Variants in MYCBP2 observed in about 807,000 individuals in gnomAD.
MYCBP2 encodes E3 ubiquitin-protein ligase MYCBP2.
A neutral mutation model predicts 525.3 loss-of-function variants in MYCBP2; 120 were observed. The ratio of observed to expected loss-of-function variants is 0.23; its 90% CI spans 0.20 to 0.27. MYCBP2 has a LOEUF of 0.27. Ranked by LOEUF, MYCBP2 falls within the 10% of genes least tolerant of loss-of-function variation. The pLI is 1.00. For missense variants in MYCBP2, 4,149 were observed against 5,657.1 expected (o/e 0.73, Z 8.55); for synonymous variants, 1,894 against 1,955.8 (o/e 0.97, Z 0.83).
intron 3 of MYCBP2, among the ~76,000 whole-genome samples, chr13:77,282,411 G>GAA (rs35046756): frequency 3.7e-5 from 4 of 108,456 alleles, no homozygotes; most frequent in South Asian, 2.9e-4. Flanking sequence ...ACTCCATCTT[G>GAA]AAAAAAAAAA....
chr13:77,205,192 T>A (rs2063186828), intron 26 of MYCBP2, 64 bp downstream of exon 26: 1 of 1,343,252 alleles, frequency 7.4e-7, no homozygotes, highest in Non-Finnish European at 9.7e-7. Flanking sequence ...AATAATAAAA[T>A]AATAAATTAA....
intron 11 of MYCBP2, 103 bp downstream of exon 11, chr13:77,261,947 AGAT>A (rs2073364480): frequency 4.7e-6 from 4 of 859,016 alleles, no homozygotes; most frequent in Admixed American, 3.1e-5. Flanking sequence ...AAAATTTAAA[AGAT>A]GATTCTTCTT....
At chr13:77,277,775 T>TA (rs1294496600) in intron 4 of MYCBP2, among the ~76,000 whole-genome samples, 2 of 152,118 alleles carry the variant, frequency 1.3e-5, no homozygotes, top group African/African-American at 4.8e-5. Flanking sequence ...TAATGAGAAT[T>TA]GAGAACCACA....
chr13:77,307,638 A>AC (rs1567217930), intron 1 of MYCBP2, among the ~76,000 whole-genome samples: 1 of 150,050 alleles, frequency 6.7e-6, no homozygotes, highest in African/African-American at 2.5e-5. Context: ...AAAAAAAAAA[A>AC]AAAAAAAAAA....
Position 77,278,822 on chromosome 13 carries a change from G to A in MYCBP2, c.684C>T (p.Ala228=), listed in dbSNP as rs149386447. 15 of 1,604,902 alleles carry A rather than the reference G, an allele frequency of 9.3e-6. No individual in the cohort carries two copies. In the African/African-American group the frequency reaches 1.9e-4, roughly 20 times the overall value. The change falls in exon 4 of 83, where the codon GCC becomes GCT. Residue 228 remains alanine, a synonymous_variant. Transcript: ENST00000544440. ...GCTGGCCCTGCAGCACGTTGAGCAG[G>A]GCTTGGAGACTCCTGAGACACAGGG... The part of the protein sequence containing the change: ...HPSLCLRSLQ[A]LLNVLQGQQP...
Position 77,326,623 on chromosome 13 carries a change from C to G in MYCBP2, c.153G>C (p.Leu51=). The G allele has an allele frequency of 6.4e-7, 1 of 1,561,984 alleles. No individual in the cohort carries two copies. Among genetic ancestry groups the G allele is most frequent in the Non-Finnish European group, 8.6e-7 (1 of 1,157,564 alleles). The part of the protein sequence containing the change: ...VPDGSVAAAG[L]GLGLPAADSR... ...AGTCCGCGGCGGGTAGCCCCAGCCCCAGCCCCGCAGCAGCCACGGAGCCGT... is the reference window on the plus strand; with the variant it reads ...AGTCCGCGGCGGGTAGCCCCAGCCCGAGCCCCGCAGCAGCCACGGAGCCGT... Residue 51 remains leucine (L), a synonymous_variant, in exon 1 of 83, where the codon CTG becomes CTC. Coordinates refer to ENST00000544440, the MANE Select transcript of MYCBP2 (RefSeq NM_015057.5). This position sits in a 1 kb window ranked among gnomAD's most constrained non-coding sequence, Gnocchi z 4.2.
At position 77,176,662 on chromosome 13, in the gene MYCBP2, CAG is replaced by C. The variant is rs777431338; in HGVS notation, c.5341-36_5341-35del. ...AAAAAATGAAACACAAAAATTCCAA[CAG>C]ACTCTTAATTTTATTGTATGAACAA... On this transcript the variant is annotated intron_variant, in intron 35 of 82. Coordinates refer to ENST00000544440, the MANE Select transcript of MYCBP2 (RefSeq NM_015057.5). The C allele has an allele frequency of 2.7e-6, 4 of 1,459,858 alleles. No homozygotes were observed. The South Asian group carries it at 4.9e-5, about 18-fold the overall frequency. The allele number at this position is 1,459,858 out of a possible 1,614,324, so 90.4% of individuals were successfully genotyped here. A position where few individuals can be genotyped will look rare whatever the true frequency, so the allele number is the denominator to read the frequency against.
At chr13:77,193,381 G>A (rs776770945) in intron 27 of MYCBP2, among the ~76,000 whole-genome samples, 1 of 152,098 alleles carries the variant, frequency 6.6e-6, no homozygotes, top group Admixed American at 6.6e-5. Context: ...AGCAAAGTCA[G>A]TATCTTACGA....
intron 26 of MYCBP2, among the ~76,000 whole-genome samples, chr13:77,202,201 A>T (rs537833129): frequency 8.4e-4 from 128 of 152,370 alleles, no homozygotes; most frequent in African/African-American, 2.9e-3. Flanking sequence ...AAAAATGATA[A>T]AGGGGATATC....
chr13:77,261,621 C>T (rs996586896), intron 11 of MYCBP2, among the ~76,000 whole-genome samples: 2 of 151,896 alleles, frequency 1.3e-5, no homozygotes, highest in Non-Finnish European at 2.9e-5. Context: ...TCTATAGGCA[C>T]AATTCACAGC....
intron 1 of MYCBP2, among the ~76,000 whole-genome samples, chr13:77,304,399 T>G (rs1030412856): frequency 1.3e-5 from 2 of 152,196 alleles, no homozygotes; most frequent in Non-Finnish European, 2.9e-5. Context: ...TATGGCATGT[T>G]TTTACTCATA....
chr13:77,198,064 T>C (rs753944392), intron 26 of MYCBP2, among the ~76,000 whole-genome samples: 11 of 152,214 alleles, frequency 7.2e-5, no homozygotes, highest in South Asian at 2.1e-4. Context: ...CCTGATGAGC[T>C]TATTAGACAT....
At chr13:77,318,482 G>A (rs1020001222) in intron 1 of MYCBP2, among the ~76,000 whole-genome samples, 7 of 152,132 alleles carry the variant, frequency 4.6e-5, no homozygotes, top group Admixed American at 3.3e-4. Context: ...TGGGCCAGGC[G>A]CAGTGGCTCA....
intron 4 of MYCBP2, among the ~76,000 whole-genome samples, chr13:77,276,261 G>A (rs2075567583): frequency 6.6e-6 from 1 of 152,046 alleles, no homozygotes; most frequent in African/African-American, 2.4e-5. Flanking sequence ...GAAGCTTGGT[G>A]TATACTAATC....
chr13:77,226,836 A>C (rs2066350137), intron 18 of MYCBP2, among the ~76,000 whole-genome samples: 2 of 152,166 alleles, frequency 1.3e-5, no homozygotes, highest in African/African-American at 4.8e-5. Flanking sequence ...ATAACATAGA[A>C]CAGGTAGGCC....
chr13:77,105,920 C>T (rs942986153), intron 55 of MYCBP2, among the ~76,000 whole-genome samples: 6 of 152,064 alleles, frequency 3.9e-5, no homozygotes, highest in African/African-American at 1.2e-4. Context: ...ATTAAATTCC[C>T]TGAGTCATAT....
At chr13:77,219,194 A>C (rs2065212867) in intron 20 of MYCBP2, among the ~76,000 whole-genome samples, 1 of 152,162 alleles carries the variant, frequency 6.6e-6, no homozygotes, top group East Asian at 1.9e-4. Flanking sequence ...ATCTAGAATA[A>C]ACCACACAGA....
chr13:77,046,534 G>A (rs1023480290), intron 82 of MYCBP2, among the ~76,000 whole-genome samples: 1 of 152,174 alleles, frequency 6.6e-6, no homozygotes, highest in African/African-American at 2.4e-5. Flanking sequence ...ATGGATAAAA[G>A]GCTAGCATTT....
At position 77,064,708 on chromosome 13, in the gene MYCBP2, T is replaced by G; in HGVS notation, c.12579A>C (p.Arg4193=). 1.2e-6 allele frequency: 2 copies of G among 1,613,826 alleles called. No homozygotes were observed. Among genetic ancestry groups the G allele is most frequent in the Non-Finnish European group, 1.7e-6 (2 of 1,179,800 alleles). The part of the protein sequence containing the change: ...AAGHLSEAWS[R]VTKNAIAETI... Reference sequence around the variant, plus strand: ...TTTCTGCAATAGCATTTTTTGTCACTCGGGACCAAGCTTCTGACAGATGAC... The same window carrying G: ...TTTCTGCAATAGCATTTTTTGTCACGCGGGACCAAGCTTCTGACAGATGAC... Residue 4193 remains arginine, a synonymous_variant, in exon 73 of 83, where the codon CGA becomes CGC. Coordinates refer to ENST00000544440, the MANE Select transcript of MYCBP2 (RefSeq NM_015057.5).
Sources: gnomAD v4.1 joint callset for allele counts (sites outside exome capture counted in the v4.1 genomes callset) on GRCh38, gnomAD v4.1.1 for gene constraint, Gnocchi (gnomAD v3.1) non-coding constraint, MANE v1.5 for transcripts, NCBI Gene and HGNC (gene_info 2026-07-23, HGNC 2026-07-21) for gene names.